SRPK2: variants seen among roughly 807,000 people sequenced by gnomAD.
SRPK2 encodes the protein SFRS protein kinase 2.
In SRPK2, 21 loss-of-function variants were observed where a neutral mutation model predicts 90.8. The ratio of observed to expected loss-of-function variants is 0.23; its 90% CI spans 0.16 to 0.33. The LOEUF is 0.33. SRPK2 is among the 10% of genes least tolerant of loss of function. SRPK2 has a pLI of 1.00. For missense variants in SRPK2, 620 were observed against 869.0 expected, an observed-to-expected ratio of 0.71 and a Z score of 3.60; for synonymous variants, 288 against 311.1, an observed-to-expected ratio of 0.93 and a Z score of 0.78.
intron 2 of SRPK2, among the ~76,000 whole-genome samples, chr7:105,358,286 C>G (rs867789259): frequency 4.4e-4 from 67 of 150,954 alleles, no homozygotes; most frequent in African/African-American, 1.5e-3. Flanking sequence ...AACCAGAAGC[C>G]TTATCAATAA....
At chr7:105,238,143 C>T (rs898778398) in intron 2 of SRPK2, among the ~76,000 whole-genome samples, 4 of 152,216 alleles carry the variant, frequency 2.6e-5, no homozygotes, top group African/African-American at 9.6e-5. Flanking sequence ...CTTGAATAAA[C>T]AACTAGCAAC....
At chr7:105,264,951 A>C (rs1339838271) in intron 2 of SRPK2, among the ~76,000 whole-genome samples, 3 of 152,184 alleles carry the variant, frequency 2.0e-5, no homozygotes, top group Non-Finnish European at 4.4e-5. Flanking sequence ...TTTACTGATT[A>C]AGAATTGTAC....
intron 13 of SRPK2, among the ~76,000 whole-genome samples, chr7:105,127,332 T>C (rs1453385115): frequency 6.6e-6 from 1 of 152,226 alleles, no homozygotes; most frequent in Non-Finnish European, 1.5e-5. Flanking sequence ...CAGCCGCACC[T>C]GCATGCAGGC....
chr7:105,382,354 A>G (rs1347065536), intron 2 of SRPK2, among the ~76,000 whole-genome samples: 1 of 151,770 alleles, frequency 6.6e-6, no homozygotes, highest in Non-Finnish European at 1.5e-5. Context: ...GGAGCTCGAG[A>G]CCAGCCTGAC....
chr7:105,386,858 AT>A (rs1455726694), intron 2 of SRPK2, among the ~76,000 whole-genome samples: 1 of 152,140 alleles, frequency 6.6e-6, no homozygotes, highest in Admixed American at 6.5e-5. Flanking sequence ...CTGGTGTGTT[AT>A]TTTCCCCCTC....
At chr7:105,236,501 T>C (rs1170909396) in intron 2 of SRPK2, among the ~76,000 whole-genome samples, 1 of 152,162 alleles carries the variant, frequency 6.6e-6, no homozygotes, top group Admixed American at 6.6e-5. Flanking sequence ...TTATCACCTC[T>C]GATATAATGG....
At chr7:105,252,765 CAG>C (rs1326249443) in intron 2 of SRPK2, among the ~76,000 whole-genome samples, 4 of 139,334 alleles carry the variant, frequency 2.9e-5, no homozygotes, top group Non-Finnish European at 4.6e-5. Context: ...TTTTTTGAGA[CAG>C]AGTCTCCCTC....
intron 2 of SRPK2, among the ~76,000 whole-genome samples, chr7:105,220,241 T>C (rs1425504784): frequency 6.6e-6 from 1 of 152,204 alleles, no homozygotes; most frequent in Admixed American, 6.5e-5. Flanking sequence ...ACTTACGATT[T>C]TAACAGTCTA....
chr7:105,307,995 C>T (rs1208992955), intron 2 of SRPK2, among the ~76,000 whole-genome samples: 1 of 152,028 alleles, frequency 6.6e-6, no homozygotes, highest in Non-Finnish European at 1.5e-5. Context: ...ATAACATATG[C>T]GAAAGTATTT....
chr7:105,275,051 C>T (rs748487020), intron 2 of SRPK2, among the ~76,000 whole-genome samples: 1 of 152,074 alleles, frequency 6.6e-6, no homozygotes, highest in Non-Finnish European at 1.5e-5. Flanking sequence ...CCACGCCTGA[C>T]AAATTTTTGT....
At chr7:105,383,048 TAA>T (rs1325927897) in intron 2 of SRPK2, among the ~76,000 whole-genome samples, 28 of 57,722 alleles carry the variant, frequency 4.9e-4, no homozygotes, top group South Asian at 4.4e-3. Flanking sequence ...ATTTCAAAAG[TAA>T]AAATTTTTTT....
intron 2 of SRPK2, among the ~76,000 whole-genome samples, chr7:105,310,032 C>T (rs900371937): frequency 3.9e-5 from 6 of 152,316 alleles, no homozygotes; most frequent in African/African-American, 1.4e-4. Flanking sequence ...GGGAAATCCT[C>T]CCTCTGGGGG....
At chr7:105,169,070 C>T in intron 4 of SRPK2, 87 bp downstream of exon 4, 2 of 1,142,912 alleles carry the variant, frequency 1.7e-6, no homozygotes. Context: ...CTCAACAAAG[C>T]AGTGGTGACC....
intron 2 of SRPK2, among the ~76,000 whole-genome samples, chr7:105,302,625 TA>T (rs1810682233): frequency 6.6e-6 from 1 of 152,210 alleles, no homozygotes; most frequent in Admixed American, 6.5e-5. Context: ...TAGTTTCTTT[TA>T]ATTTTTGAAA....
At chr7:105,327,085 AAT>A (rs1053030106) in intron 2 of SRPK2, among the ~76,000 whole-genome samples, 1 of 151,846 alleles carries the variant, frequency 6.6e-6, no homozygotes, top group African/African-American at 2.4e-5. Context: ...AAAAAAAAAA[AAT>A]TCAAGGTATA....
intron 2 of SRPK2, among the ~76,000 whole-genome samples, chr7:105,252,369 A>G (rs1802591806): frequency 6.6e-6 from 1 of 152,234 alleles, no homozygotes; most frequent in Non-Finnish European, 1.5e-5. Flanking sequence ...AGCAATATTC[A>G]TTTAGGAACT....
At chr7:105,230,603 CCTTGCTTCACCA>C (rs1233016628) in intron 2 of SRPK2, among the ~76,000 whole-genome samples, 1 of 152,158 alleles carries the variant, frequency 6.6e-6, no homozygotes, top group East Asian at 1.9e-4. Context: ...AACGAGGTGC[CCTTGCTTCACCA>C]CTCACATTTG....
At chr7:105,348,961 C>A (rs183556700) in intron 2 of SRPK2, among the ~76,000 whole-genome samples, 2 of 150,978 alleles carry the variant, frequency 1.3e-5, no homozygotes, top group Admixed American at 6.6e-5. Flanking sequence ...GCCTGGCCAA[C>A]ATGGTGAAAC....
chr7:105,328,780 G>C lies in SRPK2; in HGVS notation c.71+59868C>G, dbSNP rs369770079. Among the ~76,000 whole-genome samples, 5 of 151,034 alleles carry C rather than the reference G, an allele frequency of 3.3e-5. No homozygotes were observed. In the East Asian group the frequency reaches 9.8e-4, roughly 30 times the overall value. On this transcript the variant is annotated intron_variant, in intron 2 of 15. Coordinates refer to ENST00000393651, the MANE Select transcript of SRPK2 (RefSeq NM_182692.3). ...CTCAGGAGGCTGAGGCAGGAGAATG[G>C]TGTGAACCTGGGAGGCAGAGCTTGC...
Sources: allele counts gnomAD v4.1 joint callset (sites outside exome capture counted in the v4.1 genomes callset), GRCh38; gene constraint gnomAD v4.1.1; transcripts MANE v1.5; gene names NCBI Gene and HGNC (gene_info 2026-07-23, HGNC 2026-07-21).